MYO16: variants seen among roughly 807,000 people sequenced by gnomAD.
The protein encoded by MYO16 is myosin XVI, also known as unconventional myosin-XVI.
A neutral mutation model predicts 205.3 loss-of-function variants in MYO16; 94 were observed. The observed-to-expected ratio is 0.46, with a 90% confidence interval of 0.39 to 0.54. The LOEUF (loss-of-function observed/expected upper bound fraction) is 0.54, where lower values mean the gene tolerates loss of function less well. Ranked by LOEUF, MYO16 falls within the 20% of genes least tolerant of loss-of-function variation. The pLI, the probability that MYO16 is intolerant of heterozygous loss-of-function variation, is 0.00. For synonymous variants in MYO16, 988 were observed against 954.0 expected, an observed-to-expected ratio of 1.04 and a Z score of -0.66; for missense variants, 2,315 against 2,387.5, an observed-to-expected ratio of 0.97 and a Z score of 0.63.
intron 20 of MYO16, among the ~76,000 whole-genome samples, chr13:108,979,837 A>G (rs1884393555): frequency 6.6e-6 from 1 of 152,196 alleles, no homozygotes; most frequent in Non-Finnish European, 1.5e-5. Flanking sequence ...AAAGTATCAT[A>G]CAGATTATAA....
chr13:108,517,261 C>A, the MYO16 span, among the ~76,000 whole-genome samples: 1 of 152,060 alleles, frequency 6.6e-6, no homozygotes, highest in Admixed American at 6.5e-5. Context: ...TATGTGGTAT[C>A]CTGGAATGCC....
At chr13:108,877,094 C>T (rs937598209) in intron 12 of MYO16, among the ~76,000 whole-genome samples, 6 of 152,104 alleles carry the variant, frequency 3.9e-5, no homozygotes, top group South Asian at 2.1e-4. Context: ...GACACACAAC[C>T]GGTTATATTT....
At chr13:108,724,450 A>T (rs1197530705) in intron 3 of MYO16, among the ~76,000 whole-genome samples, 1 of 152,124 alleles carries the variant, frequency 6.6e-6, no homozygotes, top group Non-Finnish European at 1.5e-5. Flanking sequence ...ATCCAGTCTA[A>T]TACTCCCTGC....
intron 1 of MYO16, among the ~76,000 whole-genome samples, chr13:108,644,418 T>A (rs1880660162): frequency 6.7e-6 from 1 of 150,290 alleles, no homozygotes; most frequent in South Asian, 2.1e-4. Flanking sequence ...CTATCTATCA[T>A]CTGTTTAAAT....
At chr13:108,702,490 C>A (rs905341578) in intron 2 of MYO16, among the ~76,000 whole-genome samples, 1 of 152,052 alleles carries the variant, frequency 6.6e-6, no homozygotes, top group African/African-American at 2.4e-5. Flanking sequence ...ACATTCATTG[C>A]AAACAAAAAC....
At chr13:108,846,743 T>C (rs1343816881) in intron 10 of MYO16, among the ~76,000 whole-genome samples, 1 of 152,124 alleles carries the variant, frequency 6.6e-6, no homozygotes, top group Admixed American at 6.5e-5. Context: ...TAAAGATAAC[T>C]TTAAAATGTA....
intron 27 of MYO16, among the ~76,000 whole-genome samples, chr13:109,084,635 A>G (rs1211141430): frequency 2.0e-5 from 3 of 152,118 alleles, no homozygotes; most frequent in Non-Finnish European, 4.4e-5. Flanking sequence ...AAGTATACAT[A>G]TAAGTAAACA....
In MYO16 at chr13:108,957,741, A is replaced by C. The variant is rs1300732083; in HGVS notation, c.1979A>C (p.Asn660Thr). ...DDASTGERSL[N>T]REKLAVLKRA... is the part of the protein sequence containing the mutation. ...GCATCCACAGGGGAGCGTTCTCTGA[A>C]CAGGGAGAAATTGGCTGTTTTGAAA... The change falls in exon 17 of 35, where the codon AAC becomes ACC. Residue 660 changes from asparagine to threonine, a missense_variant. Transcript: ENST00000457511. The C allele has an allele frequency of 6.2e-7, 1 of 1,613,770 alleles. No homozygotes were observed. The highest frequency in any genetic ancestry group is 8.5e-7 in the Non-Finnish European group (1 of 1,179,672).
At chr13:108,645,451 G>T (rs1880710351) in intron 1 of MYO16, among the ~76,000 whole-genome samples, 1 of 152,072 alleles carries the variant, frequency 6.6e-6, no homozygotes, top group Non-Finnish European at 1.5e-5. Context: ...GCTTTAAAAA[G>T]GCTCTCAATG....
chr13:108,778,938 GT>G (rs1886213019), intron 4 of MYO16, among the ~76,000 whole-genome samples: 1 of 152,120 alleles, frequency 6.6e-6, no homozygotes, highest in African/African-American at 2.4e-5. Flanking sequence ...TTGTTTGTTT[GT>G]AAGACTTCCA....
intron 1 of MYO16, among the ~76,000 whole-genome samples, chr13:108,599,217 A>G (rs1428315270): frequency 6.6e-6 from 1 of 150,708 alleles, no homozygotes; most frequent in Non-Finnish European, 1.5e-5. Context: ...TATATGTGCC[A>G]CATTTTCTTA....
chr13:108,813,444 T>A (rs564539591), intron 7 of MYO16, among the ~76,000 whole-genome samples: 1 of 152,218 alleles, frequency 6.6e-6, no homozygotes, highest in East Asian at 1.9e-4. Context: ...TTAAATTAAA[T>A]CAATCATTTT....
intron 16 of MYO16, among the ~76,000 whole-genome samples, chr13:108,950,844 T>C (rs1883117227): frequency 6.6e-6 from 1 of 152,186 alleles, no homozygotes; most frequent in Non-Finnish European, 1.5e-5. Context: ...GTGTTAACAC[T>C]GGAATACTGC....
rs146129428 is a variant in MYO16, at chr13:108,977,933, C to T, written c.2369+13031C>T. Reference sequence around the variant, plus strand: ...TAGATTAATATGGGAAAAATTATACCATTTAGGCTATTGATTTTTTTCTTC... The same window carrying T: ...TAGATTAATATGGGAAAAATTATACTATTTAGGCTATTGATTTTTTTCTTC... On this transcript the variant is annotated intron_variant, in intron 20 of 34. Transcript: ENST00000457511. Among the ~76,000 whole-genome samples the T allele has an allele frequency of 1.4e-4, 21 of 151,968 alleles. No individual in the cohort carries two copies. The East Asian group carries it at 4.1e-3, about 29-fold the overall frequency.
At chr13:108,911,931 A>G (rs1300021436) in intron 16 of MYO16, among the ~76,000 whole-genome samples, 1 of 152,232 alleles carries the variant, frequency 6.6e-6, no homozygotes, top group Non-Finnish European at 1.5e-5. Flanking sequence ...TGAGCAACAC[A>G]TGGTGTTATT....
At chr13:109,159,093 T>C (rs1878231178) in intron 32 of MYO16, among the ~76,000 whole-genome samples, 1 of 152,250 alleles carries the variant, frequency 6.6e-6, no homozygotes, top group Non-Finnish European at 1.5e-5. Flanking sequence ...CCTTGTGTCT[T>C]TGAATTCTCA....
intron 11 of MYO16, among the ~76,000 whole-genome samples, chr13:108,861,103 C>T (rs935297638): frequency 7.2e-5 from 11 of 152,078 alleles, no homozygotes; most frequent in African/African-American, 2.7e-4. Context: ...AGGTAATATA[C>T]AACTCATTAA....
In MYO16 at chr13:109,100,845, A is replaced by G; in HGVS notation, c.3396A>G (p.Arg1132=). The part of the protein sequence containing the change: ...REKKEQSAAE[R]CRLVLQQCKL... ...AGAAGGAACAGTCAGCTGCCGAGCG[A>G]TGTCGACTTGTTCTCCAGCAGTGTA... Residue 1132 remains arginine, a synonymous_variant, in exon 28 of 35, where the codon CGA becomes CGG. Transcript: ENST00000457511. The G allele has an allele frequency of 6.2e-7, 1 of 1,613,622 alleles. No individual in the cohort carries two copies. The highest frequency in any genetic ancestry group is 8.5e-7 in the Non-Finnish European group (1 of 1,179,596).
At chr13:108,521,812 C>T in the MYO16 span, among the ~76,000 whole-genome samples, 2 of 152,232 alleles carry the variant, frequency 1.3e-5, no homozygotes, top group Middle Eastern at 3.4e-3. Context: ...AGAAATGGAG[C>T]ATTAGAGATT....
Sources: allele counts gnomAD v4.1 joint callset (sites outside exome capture counted in the v4.1 genomes callset), GRCh38; gene constraint gnomAD v4.1.1; transcripts MANE v1.5; gene names NCBI Gene and HGNC (gene_info 2026-07-23, HGNC 2026-07-21).